Variants in MYO5C observed in about 807,000 individuals in gnomAD.
MYO5C encodes the protein unconventional myosin-Vc.
A neutral mutation model predicts 235.7 loss-of-function variants in MYO5C; 194 were observed. The ratio of observed to expected loss-of-function variants is 0.82; its 90% confidence interval spans 0.73 to 0.93. The LOEUF (loss-of-function observed/expected upper bound fraction) is 0.93. Ranked by LOEUF, MYO5C falls within the 40% of genes least tolerant of loss-of-function variation. The pLI is 0.00. For missense variants in MYO5C, 2,038 were observed against 2,127.2 expected (o/e 0.96, Z 0.82); for synonymous variants, 707 against 754.8 (o/e 0.94, Z 1.04).
At chr15:52,201,018 AAGG>A (rs1356104595) in intron 38 of MYO5C, among the ~76,000 whole-genome samples, 5 of 152,186 alleles carry the variant, frequency 3.3e-5, no homozygotes, top group African/African-American at 1.2e-4. Context: ...AACTAAGAAA[AAGG>A]AGCAGAATTT....
chr15:52,198,139 C>A (rs1401960285), intron 38 of MYO5C, among the ~76,000 whole-genome samples: 5 of 151,874 alleles, frequency 3.3e-5, no homozygotes, highest in Non-Finnish European at 7.4e-5. Flanking sequence ...TCAAGACCAG[C>A]CTGGCCAACA....
intron 2 of MYO5C, among the ~76,000 whole-genome samples, chr15:52,282,279 G>A (rs2037176205): frequency 2.0e-5 from 3 of 151,974 alleles, no homozygotes; most frequent in Admixed American, 1.3e-4. Flanking sequence ...TCTGTGGACC[G>A]ACTCCCTCCA....
rs530298190 is a variant in MYO5C, at chr15:52,218,768, T to C, written c.3786-81A>G. On this transcript the variant is annotated intron_variant, in intron 31 of 40. Coordinates refer to ENST00000261839, the MANE Select transcript of MYO5C (RefSeq NM_018728.4). ...CTCACTGTCATAGCAAGTGCTGATA[T>C]TTCCAAAGATGGAAGAACACCTTGG... 8 of 1,446,184 alleles carry C rather than the reference T, an allele frequency of 5.5e-6. No homozygotes were observed. In the African/African-American group the frequency reaches 7.1e-5, roughly 13 times the overall value. 89.6% of individuals were successfully genotyped at this position (1,446,184 alleles called of 1,614,324 possible). A position where few individuals can be genotyped will look rare whatever the true frequency, so the allele number is the denominator to read the frequency against.
chr15:52,256,953 C>CA, intron 10 of MYO5C: 1 of 447,062 alleles, frequency 2.2e-6, no homozygotes, highest in Non-Finnish European at 4.0e-6. Flanking sequence ...TACCTCAAGC[C>CA]AGGCATTAAA....
intron 26 of MYO5C, 42 bp from the exon 27 acceptor site, chr15:52,225,180 T>C (rs906684884): frequency 6.2e-7 from 1 of 1,604,692 alleles, no homozygotes; most frequent in Non-Finnish European, 8.5e-7. Context: ...CATTTGTGGA[T>C]GATTTATCTT....
chr15:52,292,161 C>A lies in MYO5C; in HGVS notation c.27+3449G>T, dbSNP rs117148806. ...TTTTAATGGCTTCATGCTGTTTTAC[C>A]ATGTGAATCTTCCATAATTTACTTA... On this transcript the variant is annotated intron_variant, in intron 1 of 40. Coordinates refer to ENST00000261839, the MANE Select transcript of MYO5C (RefSeq NM_018728.4). Among the ~76,000 whole-genome samples the A allele has an allele frequency of 2.0e-3, 309 of 152,238 alleles. 7 individuals are homozygous for A. The highest frequency in any genetic ancestry group is 0.014 in the East Asian group (72 of 5,186).
At chr15:52,240,737 T>C (rs2036200832) in intron 20 of MYO5C, among the ~76,000 whole-genome samples, 1 of 151,780 alleles carries the variant, frequency 6.6e-6, no homozygotes, top group Non-Finnish European at 1.5e-5. Flanking sequence ...GTCTCAAAAA[T>C]AAATAAATAA....
chr15:52,230,077 G>A (rs1340710054), intron 24 of MYO5C, among the ~76,000 whole-genome samples: 2 of 152,196 alleles, frequency 1.3e-5, no homozygotes, highest in Non-Finnish European at 2.9e-5. Context: ...ATGTCCAGGG[G>A]TCTAGCCCTT....
At chr15:52,207,057 T>C (rs1234216801) in intron 36 of MYO5C, among the ~76,000 whole-genome samples, 1 of 151,216 alleles carries the variant, frequency 6.6e-6, no homozygotes, top group South Asian at 2.1e-4. Flanking sequence ...TGCTTGAACC[T>C]GGGAAGCAAA....
intron 19 of MYO5C, chr15:52,243,688 G>A (rs1333863945): frequency 2.6e-5 from 4 of 152,312 alleles, no homozygotes; most frequent in African/African-American, 9.6e-5. Flanking sequence ...AGTTTATCTA[G>A]GGGCACCCTG....
intron 1 of MYO5C, 145 bp downstream of exon 1, chr15:52,295,465 C>T: frequency 1.1e-6 from 1 of 925,704 alleles, no homozygotes. Context: ...CTCCGCGGCG[C>T]CTCCGCGGCC....
rs1319195772 is a variant in MYO5C, at chr15:52,193,138, A to AC, written c.*763dup. On this transcript the variant is annotated 3_prime_UTR_variant, in exon 41 of 41. Transcript: ENST00000261839. ...AGGCCATCCTGGCCAACATGGTGAA[A>AC]CCTGTCTCCACTAAAAATACAAAAA... 6.6e-6 allele frequency: 1 copy of AC among 152,020 alleles called. No individual in the cohort carries two copies. Among genetic ancestry groups the AC allele is most frequent in the Admixed American group, 6.6e-5 (1 of 15,248 alleles). The allele number at this position is 152,020 out of a possible 1,614,324, so 9.4% of individuals were successfully genotyped here.
chr15:52,262,394 T>C (rs2140828078), intron 9 of MYO5C, among the ~76,000 whole-genome samples: 2 of 152,308 alleles, frequency 1.3e-5, no homozygotes, highest in East Asian at 3.9e-4. Flanking sequence ...GGGCTCAGTG[T>C]GATGGCATTT....
intron 38 of MYO5C, among the ~76,000 whole-genome samples, chr15:52,201,596 A>G (rs74015628): frequency 0.027 from 4,166 of 152,336 alleles, 188 homozygotes; most frequent in African/African-American, 0.097. Context: ...TTGGAACATT[A>G]GGAATGAAGA....
chr15:52,263,426 C>T (rs755334624), intron 9 of MYO5C, among the ~76,000 whole-genome samples: 1 of 152,100 alleles, frequency 6.6e-6, no homozygotes, highest in Non-Finnish European at 1.5e-5. Flanking sequence ...ACAATACATT[C>T]CCAGGAAGCC....
At chr15:52,214,779 A>G (rs1193434651) in intron 32 of MYO5C, 89 bp from the exon 33 acceptor site, 1 of 756,172 alleles carries the variant, frequency 1.3e-6, no homozygotes, top group Non-Finnish European at 2.1e-6. Context: ...TTGACATACA[A>G]TTTGCATACC....
At chr15:52,239,581 A>G (rs962312818) in intron 21 of MYO5C, 152 bp downstream of exon 21, 1 of 716,712 alleles carries the variant, frequency 1.4e-6, no homozygotes, top group Non-Finnish European at 2.2e-6. Flanking sequence ...AACCCTTTAC[A>G]GTGTACTTCT....
intron 1 of MYO5C, among the ~76,000 whole-genome samples, chr15:52,287,610 G>A (rs2037302703): frequency 6.6e-6 from 1 of 152,142 alleles, no homozygotes; most frequent in Non-Finnish European, 1.5e-5. Context: ...GGCCACTACA[G>A]AGTCTCAGAA....
chr15:52,264,556 T>C lies in MYO5C; in HGVS notation c.941-260A>G, dbSNP rs978425086. Among the ~76,000 whole-genome samples the C allele has an allele frequency of 7.9e-5, 12 of 152,212 alleles. No homozygotes were observed. The East Asian group carries it at 2.3e-3, about 29-fold the overall frequency. ...AACACAAAAATTAATATCCCAGTAA[T>C]CATTTCACATTAGGTTCCTCGGAGA... On this transcript the variant is annotated intron_variant, in intron 8 of 40. Coordinates refer to ENST00000261839, the MANE Select transcript of MYO5C (RefSeq NM_018728.4).
Sources: gnomAD v4.1 joint callset for allele counts (sites outside exome capture counted in the v4.1 genomes callset) on GRCh38, gnomAD v4.1.1 for gene constraint, MANE v1.5 for transcripts, NCBI Gene and HGNC (gene_info 2026-07-23, HGNC 2026-07-21) for gene names.